The following KANK1 variants were observed in gnomAD, a reference collection of about 807,000 sequenced individuals.
The protein encoded by KANK1 is KN motif and ankyrin repeat domain-containing protein 1.
A neutral mutation model predicts 106.2 loss-of-function variants in KANK1; 109 were observed. That is an observed-to-expected ratio of 1.03 (90% CI 0.88 to 1.20). The LOEUF (loss-of-function observed/expected upper bound fraction) is 1.20. KANK1 is among the 50% of genes most tolerant of loss of function. The pLI is 0.00. For synonymous variants in KANK1, 873 were observed against 652.2 expected (o/e 1.34, Z -5.16); for missense variants, 2,399 against 1,710.7 (o/e 1.40, Z -7.10).
chr9:564,867 G>C (rs1210800835), intron 1 of KANK1, among the ~76,000 whole-genome samples: 1 of 152,166 alleles, frequency 6.6e-6, no homozygotes, highest in Non-Finnish European at 1.5e-5. Flanking sequence ...TGTTGTTTTT[G>C]GCTTCTCTTG....
chr9:579,186 G>A (rs893107656), intron 1 of KANK1, among the ~76,000 whole-genome samples: 3 of 152,122 alleles, frequency 2.0e-5, no homozygotes, highest in African/African-American at 4.8e-5. Context: ...TGCCCTCCAC[G>A]TAGCCTTCCC....
At chr9:633,250 A>G (rs1836221154) in intron 1 of KANK1, among the ~76,000 whole-genome samples, 1 of 151,998 alleles carries the variant, frequency 6.6e-6, no homozygotes, top group Admixed American at 6.5e-5. Context: ...AGGTCAGGAG[A>G]TCGAGACCAT....
At chr9:482,980 AATCACTTAGTAG>A (rs1353630776) in intron 3 of KANK1, among the ~76,000 whole-genome samples, 1 of 152,128 alleles carries the variant, frequency 6.6e-6, no homozygotes, top group Non-Finnish European at 1.5e-5. Flanking sequence ...CCTGCCTGTT[AATCACTTAGTAG>A]ATCTGTTGGT....
chr9:735,291 G>A (rs538799254), intron 7 of KANK1, among the ~76,000 whole-genome samples: 58 of 152,270 alleles, frequency 3.8e-4, no homozygotes, highest in African/African-American at 1.3e-3. Flanking sequence ...ATGCTCTGAT[G>A]TGGAATGCAG....
At chr9:588,405 A>G (rs1004067359) in intron 1 of KANK1, among the ~76,000 whole-genome samples, 1 of 152,186 alleles carries the variant, frequency 6.6e-6, no homozygotes, top group African/African-American at 2.4e-5. Flanking sequence ...ATAAATTGCC[A>G]GAAGTGGCAT....
intron 2 of KANK1, chr9:693,819 A>G (rs1311686974): frequency 6.1e-6 from 6 of 985,216 alleles, no homozygotes; most frequent in Non-Finnish European, 7.2e-6. Flanking sequence ...GAAAGAGAGG[A>G]GGAGAGCATG....
At chr9:687,028 T>C in intron 2 of KANK1, 1 of 686,200 alleles carries the variant, frequency 1.5e-6, no homozygotes, top group Non-Finnish European at 1.8e-6. Flanking sequence ...TGAATTTCTT[T>C]TCTTTTCTTT....
At chr9:619,547 C>A (rs969145647) in intron 1 of KANK1, among the ~76,000 whole-genome samples, 9 of 152,190 alleles carry the variant, frequency 5.9e-5, no homozygotes, top group African/African-American at 1.9e-4. Context: ...TCTTTTGGAA[C>A]CAGTTTTGCT....
intron 1 of KANK1, among the ~76,000 whole-genome samples, chr9:675,456 T>G (rs1439706793): frequency 6.6e-6 from 1 of 152,200 alleles, no homozygotes; most frequent in Non-Finnish European, 1.5e-5. Flanking sequence ...TTTGCTAGTA[T>G]TTTTCGAAAG....
chr9:740,787 T>TTTC lies in KANK1; in HGVS notation c.3554-5_3554-4insTTC. Reference sequence around the variant, plus strand: ...TAAGAGACTTTTTTTTTTTTTTTTTTACAGATGTGTGTAATGTGGATCACC... The same window carrying TTTC: ...TAAGAGACTTTTTTTTTTTTTTTTTTTTCACAGATGTGTGTAATGTGGATCACC... On this transcript the variant is annotated splice_region_variant and splice_polypyrimidine_tract_variant and intron_variant, in intron 8 of 11. Transcript: ENST00000382297. The TTTC allele has an allele frequency of 6.3e-7, 1 of 1,587,974 alleles. No homozygotes were observed. The highest frequency in any genetic ancestry group is 8.5e-7 in the Non-Finnish European group (1 of 1,172,506).
intron 3 of KANK1, among the ~76,000 whole-genome samples, chr9:480,980 A>G (rs980002491): frequency 2.0e-5 from 3 of 152,210 alleles, no homozygotes; most frequent in South Asian, 4.1e-4. Context: ...ACCTAAGTGA[A>G]AAAATGCATT....
chr9:514,532 T>G (rs776384053), intron 1 of KANK1, among the ~76,000 whole-genome samples: 1 of 151,092 alleles, frequency 6.6e-6, no homozygotes, highest in Non-Finnish European at 1.5e-5. Flanking sequence ...TTAGTCAGTT[T>G]TTGAACTTTA....
At chr9:640,207 T>G (rs1838088849) in intron 1 of KANK1, among the ~76,000 whole-genome samples, 1 of 152,158 alleles carries the variant, frequency 6.6e-6, no homozygotes, top group East Asian at 1.9e-4. Flanking sequence ...TCCATCTGAA[T>G]GGAAACTCCT....
At chr9:508,678 C>T (rs2058889096) in intron 1 of KANK1, among the ~76,000 whole-genome samples, 2 of 151,392 alleles carry the variant, frequency 1.3e-5, no homozygotes, top group African/African-American at 4.9e-5. Flanking sequence ...TGGTTTCTTT[C>T]TCAACATTAT....
In KANK1 at chr9:731,190, A is replaced by G. The variant is rs1564102615; in HGVS notation, c.2929A>G (p.Ile977Val). The change falls in exon 5 of 12, where the codon ATC becomes GTC. Residue 977 changes from isoleucine (I) to valine (V), a missense_variant. Coordinates refer to ENST00000382297, the MANE Select transcript of KANK1 (RefSeq NM_015158.5). ...AAACAATGAAAGTACACTGAAGTCCATCATGAAGAAGAAAGATGGTAACAA... is the reference window on the plus strand; with the variant it reads ...AAACAATGAAAGTACACTGAAGTCCGTCATGAAGAAGAAAGATGGTAACAA... ...CTNNESTLKS[I>V]MKKKDGNKDS... is the part of the protein sequence containing the mutation. 1 of 1,611,988 alleles carries G rather than the reference A, an allele frequency of 6.2e-7. No individual in the cohort carries two copies.
chr9:540,129 C>G (rs2060516585), intron 1 of KANK1, among the ~76,000 whole-genome samples: 1 of 152,168 alleles, frequency 6.6e-6, no homozygotes, highest in African/African-American at 2.4e-5. Context: ...AGAGGAAAGG[C>G]TTTCAGCTTT....
chr9:637,748 T>C (rs1837484632), intron 1 of KANK1, among the ~76,000 whole-genome samples: 1 of 152,172 alleles, frequency 6.6e-6, no homozygotes, highest in Non-Finnish European at 1.5e-5. Flanking sequence ...TCAGATACTT[T>C]TCCTAATAGT....
At chr9:579,907 A>C (rs1011492054) in intron 1 of KANK1, among the ~76,000 whole-genome samples, 1 of 152,128 alleles carries the variant, frequency 6.6e-6, no homozygotes, top group Non-Finnish European at 1.5e-5. Flanking sequence ...TGAATTTTCT[A>C]ATATGACTCC....
intron 4 of KANK1, chr9:730,596 G>A (rs969146123): frequency 9.8e-6 from 3 of 306,524 alleles, no homozygotes; most frequent in Non-Finnish European, 1.9e-5. Context: ...CGGCGGCTGA[G>A]GTGGGAGAAT....
Sources: gnomAD v4.1 joint callset for allele counts (sites outside exome capture counted in the v4.1 genomes callset) on GRCh38, gnomAD v4.1.1 for gene constraint, MANE v1.5 for transcripts, NCBI Gene and HGNC (gene_info 2026-07-23, HGNC 2026-07-21) for gene names.